The following JAK1 variants were observed in gnomAD, a reference collection of about 807,000 sequenced individuals.
The protein encoded by JAK1 is Janus kinase 1, also known as tyrosine-protein kinase JAK1.
In JAK1, 16 loss-of-function variants were observed where a neutral mutation model predicts 136.6. The observed-to-expected ratio is 0.12, with a 90% confidence interval of 0.08 to 0.18. The LOEUF (loss-of-function observed/expected upper bound fraction) is 0.18. Ranked by LOEUF, JAK1 falls within the 10% of genes least tolerant of loss-of-function variation. The pLI is 1.00. For synonymous variants in JAK1, 492 were observed against 519.5 expected (o/e 0.95, Z 0.72); for missense variants, 859 against 1,450.1 (o/e 0.59, Z 6.62).
chr1:65,029,262 A>C (rs1325479817), intron 2 of JAK1, among the ~76,000 whole-genome samples: 1 of 152,024 alleles, frequency 6.6e-6, no homozygotes, highest in African/African-American at 2.4e-5. Context: ...GTGCCCAGCT[A>C]ATTTTTTTTG....
chr1:64,961,992 G>C (rs1646290318), intron 1 of JAK1, among the ~76,000 whole-genome samples: 1 of 152,124 alleles, frequency 6.6e-6, no homozygotes. Context: ...AAAAAAGAAA[G>C]ATAACAAGGG....
chr1:64,978,546 A>G (rs1381551024), intron 2 of JAK1, among the ~76,000 whole-genome samples: 2 of 152,204 alleles, frequency 1.3e-5, no homozygotes. Context: ...ATGAATGTCC[A>G]TATAGAACAC....
intron 1 of JAK1, among the ~76,000 whole-genome samples, chr1:64,887,748 A>G (rs547937070): frequency 6.6e-6 from 1 of 152,342 alleles, no homozygotes; most frequent in Admixed American, 6.5e-5. Flanking sequence ...ATGGATGTCC[A>G]TGGAGGTGGG....
intron 7 of JAK1, 127 bp downstream of exon 7, chr1:64,866,739 T>C: frequency 9.1e-6 from 6 of 660,196 alleles, no homozygotes; most frequent in South Asian, 1.9e-5. Context: ...GAATGATACA[T>C]GGTCTCCTAA....
intron 9 of JAK1, 158 bp downstream of exon 9, chr1:64,859,947 C>G: frequency 2.0e-6 from 1 of 500,614 alleles, no homozygotes; most frequent in East Asian, 3.2e-5. Context: ...TACAGGAAGG[C>G]CTGACCAGAG....
chr1:65,010,500 G>A (rs781461381), intron 2 of JAK1, among the ~76,000 whole-genome samples: 3 of 152,122 alleles, frequency 2.0e-5, no homozygotes, highest in African/African-American at 7.2e-5. Flanking sequence ...TTGATCCTCC[G>A]GCCTCAGTCA....
chr1:64,851,441 G>C (rs1467897655), intron 11 of JAK1, among the ~76,000 whole-genome samples: 1 of 152,206 alleles, frequency 6.6e-6, no homozygotes, highest in Non-Finnish European at 1.5e-5. Context: ...GGAACCAGAG[G>C]AGGAGGTGAA....
At chr1:64,896,401 C>T (rs780565903) in intron 1 of JAK1, among the ~76,000 whole-genome samples, 1 of 152,140 alleles carries the variant, frequency 6.6e-6, no homozygotes, top group African/African-American at 2.4e-5. Flanking sequence ...ACTCCAGCCA[C>T]GGAGCTTCTT....
intron 2 of JAK1, chr1:64,974,012 A>G (rs1646476546): frequency 6.6e-6 from 1 of 152,260 alleles, no homozygotes; most frequent in Non-Finnish European, 1.5e-5. Context: ...CAAATGAATC[A>G]TGTATGTATA....
At chr1:64,973,508 T>C (rs971580609) in intron 2 of JAK1, 2 of 151,784 alleles carry the variant, frequency 1.3e-5, no homozygotes, top group Non-Finnish European at 2.9e-5. Context: ...TTTCAATGGA[T>C]GTTCTGAAGT....
chr1:64,874,919 C>A (rs772393915), intron 4 of JAK1, among the ~76,000 whole-genome samples: 1 of 152,108 alleles, frequency 6.6e-6, no homozygotes, highest in Non-Finnish European at 1.5e-5. Flanking sequence ...TGGGAGCAAC[C>A]GGTCAGGTCC....
intron 9 of JAK1, chr1:64,859,725 G>A (rs1656170479): frequency 6.4e-6 from 1 of 156,522 alleles, no homozygotes. Context: ...TCCCACCTCA[G>A]CCTCTCAAGG....
intron 2 of JAK1, chr1:65,022,995 C>T (rs1646949445): frequency 6.6e-6 from 1 of 152,050 alleles, no homozygotes; most frequent in East Asian, 1.9e-4. Context: ...AATTTTTTTT[C>T]CTGTCATCCT....
intron 1 of JAK1, among the ~76,000 whole-genome samples, chr1:64,892,466 T>C (rs2101372428): frequency 6.6e-6 from 1 of 152,170 alleles, no homozygotes; most frequent in East Asian, 1.9e-4. Flanking sequence ...GTTGTTGTTT[T>C]TGGGAAAGGG....
At chr1:65,063,267 G>A (rs1046389516) in intron 1 of JAK1, among the ~76,000 whole-genome samples, 1 of 152,132 alleles carries the variant, frequency 6.6e-6, no homozygotes, top group African/African-American at 2.4e-5. Flanking sequence ...ATTGTTTTCC[G>A]GTACCTTTTG....
intron 1 of JAK1, among the ~76,000 whole-genome samples, chr1:64,941,364 A>C (rs1185393277): frequency 6.6e-6 from 1 of 152,206 alleles, no homozygotes; most frequent in East Asian, 1.9e-4. Context: ...TTAAATATAA[A>C]ATGTGACAAC....
intron 8 of JAK1, among the ~76,000 whole-genome samples, chr1:64,863,484 T>C (rs2780828): frequency 0.4 from 60,411 of 151,488 alleles, 13,201 homozygotes; most frequent in African/African-American, 0.58. Context: ...TACTTCTCCC[T>C]CTTCACTTTG....
At chr1:64,903,572 C>T (rs918966629) in intron 1 of JAK1, among the ~76,000 whole-genome samples, 3 of 152,212 alleles carry the variant, frequency 2.0e-5, no homozygotes, top group African/African-American at 7.2e-5. Flanking sequence ...TTTAGAATCA[C>T]ATACCTGGGT....
At chr1:65,004,122 G>A (rs1191653522) in intron 2 of JAK1, 2 of 152,040 alleles carry the variant, frequency 1.3e-5, no homozygotes, top group African/African-American at 4.8e-5. Context: ...TTGTATTTTA[G>A]TAGAGACGGG....
Sources: allele counts gnomAD v4.1 joint callset (sites outside exome capture counted in the v4.1 genomes callset), GRCh38; gene constraint gnomAD v4.1.1; transcripts MANE v1.5; gene names NCBI Gene and HGNC (gene_info 2026-07-23, HGNC 2026-07-21).